TG: variants seen among roughly 807,000 people sequenced by gnomAD.
TG encodes the protein thyroid hormones.
TG carries 270 observed loss-of-function variants against 324.7 expected under a neutral mutation model. That is an observed-to-expected ratio of 0.83 (90% CI 0.75 to 0.92). The LOEUF (loss-of-function observed/expected upper bound fraction) is 0.92, where lower values mean the gene tolerates loss of function less well. TG is among the 40% of genes least tolerant of loss of function. The pLI, the probability that TG is intolerant of heterozygous loss-of-function variation, is 0.00. For missense variants in TG, 3,591 were observed against 3,456.4 expected, an observed-to-expected ratio of 1.04 and a Z score of -0.98; for synonymous variants, 1,401 against 1,327.0, an observed-to-expected ratio of 1.06 and a Z score of -1.21.
chr8:133,073,253 C>G (rs1035932614), intron 41 of TG: 2 of 152,166 alleles, frequency 1.3e-5, no homozygotes, highest in East Asian at 3.8e-4. Context: ...GATTGTAGAT[C>G]TGTTTAAGAT....
chr8:133,015,433 A>C (rs1384637603), intron 37 of TG, among the ~76,000 whole-genome samples: 1 of 152,204 alleles, frequency 6.6e-6, no homozygotes, highest in Admixed American at 6.5e-5. Context: ...CTCTGTGGGT[A>C]TTCTAGAAAG....
intron 45 of TG, among the ~76,000 whole-genome samples, chr8:133,121,996 A>G (rs1271513232): frequency 1.3e-5 from 2 of 152,082 alleles, no homozygotes; most frequent in African/African-American, 4.8e-5. Flanking sequence ...GAGCTGTCAC[A>G]TCTCTCATTT....
At chr8:132,997,042 G>C (rs1337247462) in intron 35 of TG, among the ~76,000 whole-genome samples, 1 of 152,226 alleles carries the variant, frequency 6.6e-6, no homozygotes, top group Admixed American at 6.5e-5. Context: ...TAGATGGAGT[G>C]TGTTTGCTGC....
At chr8:133,002,873 G>T in intron 35 of TG, 1 of 317,536 alleles carries the variant, frequency 3.1e-6, no homozygotes, top group South Asian at 8.3e-5. Flanking sequence ...GCAGTACACT[G>T]GGGAACATTG....
At chr8:132,994,768 GC>G in intron 35 of TG, 1 of 1,288,576 alleles carries the variant, frequency 7.8e-7, no homozygotes, top group African/African-American at 1.5e-5. Flanking sequence ...TGGAGTGAGG[GC>G]TTCCGTATAA....
intron 35 of TG, among the ~76,000 whole-genome samples, chr8:132,987,087 G>A (rs1831661391): frequency 6.6e-6 from 1 of 152,134 alleles, no homozygotes; most frequent in Admixed American, 6.5e-5. Context: ...GGAGCATGGA[G>A]CATGTCCTTT....
intron 41 of TG, among the ~76,000 whole-genome samples, chr8:133,082,822 AC>A (rs150844889): frequency 0.17 from 26,260 of 152,206 alleles, 2,812 homozygotes; most frequent in Non-Finnish European, 0.24. Context: ...CATGGCATAT[AC>A]TTTTTTTCTA....
At chr8:132,997,002 G>A (rs960512839) in intron 35 of TG, among the ~76,000 whole-genome samples, 4 of 152,168 alleles carry the variant, frequency 2.6e-5, no homozygotes, top group Admixed American at 6.5e-5. Flanking sequence ...CAGACACTAC[G>A]TTTTTTGTTT....
At chr8:133,121,510 C>A (rs897246036) in intron 45 of TG, among the ~76,000 whole-genome samples, 3 of 152,144 alleles carry the variant, frequency 2.0e-5, no homozygotes, top group African/African-American at 2.4e-5. Context: ...CGCAGATCCA[C>A]GGAAACATTT....
chr8:132,903,183 C>A (rs929020384), intron 16 of TG, among the ~76,000 whole-genome samples: 1 of 152,164 alleles, frequency 6.6e-6, no homozygotes, highest in African/African-American at 2.4e-5. Context: ...TAAATATGTC[C>A]AAAGGAAGAA....
chr8:133,131,943 CAG>C lies in TG; in HGVS notation c.7995_7996del (p.Gly2666LysfsTer7). ...CAGTACTTTTCCCACTTCATCAGAT[CAG>C]GGTAATTTTGGACCACTTGTTCAGA... On this transcript the variant is annotated frameshift_variant and splice_region_variant, in exon 46 of 48. Transcript: ENST00000220616. LOFTEE classifies it high-confidence loss of function. 6.2e-7 allele frequency: 1 copy of C among 1,613,968 alleles called. No individual in the cohort carries two copies. The highest frequency in any genetic ancestry group is 8.5e-7 in the Non-Finnish European group (1 of 1,179,976).
At chr8:132,890,695 C>T (rs187432585) in intron 10 of TG, among the ~76,000 whole-genome samples, 15 of 152,260 alleles carry the variant, frequency 9.9e-5, no homozygotes, top group African/African-American at 2.6e-4. Flanking sequence ...AAAGGCTTGT[C>T]GGAAGAATTA....
At chr8:132,943,364 G>A (rs1042771417) in intron 26 of TG, among the ~76,000 whole-genome samples, 13 of 152,100 alleles carry the variant, frequency 8.5e-5, no homozygotes, top group Non-Finnish European at 1.9e-4. Context: ...TGTCATGAAT[G>A]TAAGCTTCCT....
chr8:133,093,870 T>A (rs1323150871), intron 41 of TG, among the ~76,000 whole-genome samples: 1 of 152,192 alleles, frequency 6.6e-6, no homozygotes, highest in African/African-American at 2.4e-5. Flanking sequence ...GCAACCGACT[T>A]ATACAATTGC....
chr8:132,945,272 G>A (rs1264959308), intron 26 of TG, among the ~76,000 whole-genome samples: 4 of 152,054 alleles, frequency 2.6e-5, no homozygotes, highest in African/African-American at 7.2e-5. Flanking sequence ...GTGGAGAGGG[G>A]GAATAGAAGA....
chr8:132,916,019 G>C (rs116498037), intron 20 of TG, among the ~76,000 whole-genome samples: 2,953 of 152,228 alleles, frequency 0.019, 98 homozygotes, highest in African/African-American at 0.068. Context: ...ACATTTTACT[G>C]TCCAGAGACT....
chr8:133,102,747 G>A, intron 43 of TG: 1 of 615,524 alleles, frequency 1.6e-6, no homozygotes, highest in Non-Finnish European at 2.9e-6. Flanking sequence ...ATGATCAAAA[G>A]CAGATTTGTT....
At chr8:133,080,349 T>C (rs992474419) in intron 41 of TG, among the ~76,000 whole-genome samples, 1 of 152,182 alleles carries the variant, frequency 6.6e-6, no homozygotes, top group Non-Finnish European at 1.5e-5. Context: ...CTGGCACTCA[T>C]AGGGCTTAAC....
At chr8:133,103,566 G>T (rs1228498224) in intron 43 of TG, among the ~76,000 whole-genome samples, 4 of 152,144 alleles carry the variant, frequency 2.6e-5, no homozygotes, top group Non-Finnish European at 4.4e-5. Context: ...ATGTAAACCA[G>T]GCTGGATTCA....
Sources: gnomAD v4.1 joint callset for allele counts (sites outside exome capture counted in the v4.1 genomes callset) on GRCh38, gnomAD v4.1.1 for gene constraint, MANE v1.5 for transcripts, NCBI Gene and HGNC (gene_info 2026-07-23, HGNC 2026-07-21) for gene names.